The following ELOVL2 variants were observed in gnomAD, a reference collection of about 807,000 sequenced individuals.
ELOVL2 encodes ELOVL fatty acid elongase 2.
Under a neutral mutation model 37.7 loss-of-function variants are expected in ELOVL2, and 38 were observed. The ratio of observed to expected loss-of-function variants is 1.01; its 90% CI spans 0.78 to 1.32. The LOEUF (loss-of-function observed/expected upper bound fraction) is 1.32, where lower values mean the gene tolerates loss of function less well. ELOVL2 is among the 40% of genes most tolerant of loss of function. The probability of loss-of-function intolerance (pLI) is 0.00; values close to 1 mark genes in which losing one functional copy is unlikely to be tolerated. For synonymous variants in ELOVL2, 115 were observed against 122.3 expected, an observed-to-expected ratio of 0.94 and a Z score of 0.40; for missense variants, 352 against 363.6, an observed-to-expected ratio of 0.97 and a Z score of 0.26.
chr6:11,018,094 G>A (rs1458811351), intron 1 of ELOVL2, among the ~76,000 whole-genome samples: 3 of 151,692 alleles, frequency 2.0e-5, no homozygotes, highest in African/African-American at 7.3e-5. Flanking sequence ...TTTCTTTTTG[G>A]AAGTTTTCTT....
intron 1 of ELOVL2, among the ~76,000 whole-genome samples, chr6:11,025,637 C>T (rs1395561265): frequency 6.6e-6 from 1 of 152,136 alleles, no homozygotes; most frequent in African/African-American, 2.4e-5. Context: ...GAAAAGCACA[C>T]CCATTCAAAG....
At chr6:10,991,237 G>C (rs1782152918) in intron 5 of ELOVL2, among the ~76,000 whole-genome samples, 2 of 152,228 alleles carry the variant, frequency 1.3e-5, no homozygotes, top group African/African-American at 4.8e-5. Context: ...TCACTTGTTG[G>C]AAATAAGGAA....
At chr6:11,006,738 A>G (rs1232260781) in intron 2 of ELOVL2, among the ~76,000 whole-genome samples, 1 of 152,226 alleles carries the variant, frequency 6.6e-6, no homozygotes, top group Non-Finnish European at 1.5e-5. Context: ...AAGGTTAGAA[A>G]GCTCTTCTCA....
chr6:11,010,861 A>T, intron 1 of ELOVL2, 52 bp from the exon 2 acceptor site: 1 of 1,425,864 alleles, frequency 7.0e-7, no homozygotes. Flanking sequence ...CTTTTTTTGA[A>T]ACGGTCAAAA....
intron 1 of ELOVL2, among the ~76,000 whole-genome samples, chr6:11,034,774 G>A (rs1037823568): frequency 1.3e-4 from 19 of 151,948 alleles, no homozygotes; most frequent in Admixed American, 7.9e-4. Context: ...AGGCCGAGGC[G>A]GGTGGATCAC....
chr6:11,014,693 G>T (rs1042388562), intron 1 of ELOVL2, among the ~76,000 whole-genome samples: 4 of 151,904 alleles, frequency 2.6e-5, no homozygotes, highest in South Asian at 2.1e-4. Context: ...TAGGCAAGTA[G>T]ATTGGAGTTG....
chr6:10,980,820 G>A lies in ELOVL2; in HGVS notation c.*2961C>T, dbSNP rs8523. On this transcript the variant is annotated 3_prime_UTR_variant, in exon 8 of 8. Coordinates refer to ENST00000354666, the MANE Select transcript of ELOVL2 (RefSeq NM_017770.4). ...AGATAATGCTTTTTATCTACAAAGA[G>A]AAATGGCTTCTGCAGCCTCCCTGTC... The A allele has an allele frequency of 0.53, 81,112 of 152,466 alleles. 22,598 individuals are homozygous for A. The highest frequency in any genetic ancestry group is 0.91 in the East Asian group (4,709 of 5,170). 9.4% of individuals were successfully genotyped at this position (152,466 alleles called of 1,614,324 possible).
chr6:10,998,116 A>G (rs772438613), intron 4 of ELOVL2, among the ~76,000 whole-genome samples: 1 of 152,038 alleles, frequency 6.6e-6, no homozygotes, highest in Non-Finnish European at 1.5e-5. Flanking sequence ...GCCATGTGAC[A>G]TGCCTGCTCC....
chr6:11,022,958 G>A (rs188865451), intron 1 of ELOVL2, among the ~76,000 whole-genome samples: 1 of 152,232 alleles, frequency 6.6e-6, no homozygotes, highest in East Asian at 1.9e-4. Flanking sequence ...AAAATAACTT[G>A]CTTTAATTTC....
intron 1 of ELOVL2, among the ~76,000 whole-genome samples, chr6:11,020,462 C>T (rs988585053): frequency 2.6e-5 from 4 of 152,326 alleles, no homozygotes; most frequent in African/African-American, 7.2e-5. Context: ...TGCTAAGCTA[C>T]CAGAATCCGA....
chr6:11,032,024 A>G (rs1782936948), intron 1 of ELOVL2, among the ~76,000 whole-genome samples: 1 of 152,136 alleles, frequency 6.6e-6, no homozygotes. Context: ...TTTCTGCATC[A>G]CTACAGCAAA....
At chr6:11,031,987 T>G (rs1782936501) in intron 1 of ELOVL2, among the ~76,000 whole-genome samples, 1 of 152,202 alleles carries the variant, frequency 6.6e-6, no homozygotes, top group African/African-American at 2.4e-5. Flanking sequence ...TCTTTTGGCC[T>G]CACTAATCTA....
At chr6:11,041,472 T>C (rs1783096383) in intron 1 of ELOVL2, among the ~76,000 whole-genome samples, 1 of 152,186 alleles carries the variant, frequency 6.6e-6, no homozygotes, top group Non-Finnish European at 1.5e-5. Flanking sequence ...GAAAATGCTA[T>C]ACGTTCGAAG....
At chr6:11,036,521 T>C (rs1783007752) in intron 1 of ELOVL2, among the ~76,000 whole-genome samples, 1 of 152,202 alleles carries the variant, frequency 6.6e-6, no homozygotes, top group South Asian at 2.1e-4. Flanking sequence ...ATAGCCCACA[T>C]GTACCATTTC....
At chr6:11,022,228 C>T in intron 1 of ELOVL2, among the ~76,000 whole-genome samples, 1 of 152,302 alleles carries the variant, frequency 6.6e-6, no homozygotes, top group South Asian at 2.1e-4. Context: ...TGCAAGCCTC[C>T]TGTGTCAGAA....
intron 5 of ELOVL2, 46 bp from the exon 6 acceptor site, chr6:10,990,488 GTTCA>G: frequency 6.6e-7 from 1 of 1,518,142 alleles, no homozygotes; most frequent in Non-Finnish European, 8.8e-7. Flanking sequence ...AGGAAGGACT[GTTCA>G]TTCTTCTTTG....
intron 5 of ELOVL2, among the ~76,000 whole-genome samples, chr6:10,991,651 T>C (rs528666035): frequency 1.3e-5 from 2 of 152,296 alleles, no homozygotes; most frequent in East Asian, 3.9e-4. Context: ...AAAGGTACAA[T>C]AGCATGCATA....
rs1781940562 is a variant in ELOVL2, at chr6:10,981,877, C to T, written c.*1904G>A. ...AAACTGAACTAGGGTCCAGTTTCTCCAAAGGGCTTTCTCCTTGGTCCAACT... is the reference window on the plus strand; with the variant it reads ...AAACTGAACTAGGGTCCAGTTTCTCTAAAGGGCTTTCTCCTTGGTCCAACT... On this transcript the variant is annotated 3_prime_UTR_variant, in exon 8 of 8. Transcript: ENST00000354666. The T allele has an allele frequency of 6.6e-6, 1 of 152,182 alleles. No individual in the cohort carries two copies. Among genetic ancestry groups the T allele is most frequent in the South Asian group, 2.1e-4 (1 of 4,828 alleles). The allele number at this position is 152,182 out of a possible 1,614,324, so 9.4% of individuals were successfully genotyped here.
chr6:10,987,123 C>A (rs9461394), intron 7 of ELOVL2, among the ~76,000 whole-genome samples: 3 of 151,922 alleles, frequency 2.0e-5, no homozygotes, highest in African/African-American at 4.8e-5. Context: ...CTAGATTTTC[C>A]AGTTTATTTG....
Sources: allele counts gnomAD v4.1 joint callset (sites outside exome capture counted in the v4.1 genomes callset), GRCh38; gene constraint gnomAD v4.1.1; transcripts MANE v1.5; gene names NCBI Gene and HGNC (gene_info 2026-07-23, HGNC 2026-07-21).